The following NLRP5 variants were observed in gnomAD, a reference collection of about 807,000 sequenced individuals.
The protein encoded by NLRP5 is NLR family pyrin domain containing 5.
A neutral mutation model predicts 113.1 loss-of-function variants in NLRP5; 93 were observed. The observed-to-expected ratio is 0.82, with a 90% CI of 0.70 to 0.98. NLRP5 has a LOEUF of 0.98. Ranked by LOEUF, NLRP5 falls within the 50% of genes least tolerant of loss-of-function variation. NLRP5 has a pLI of 0.00. For synonymous variants in NLRP5, 751 were observed against 600.7 expected (o/e 1.25, Z -3.66); for missense variants, 1,808 against 1,514.3 (o/e 1.19, Z -3.22).
rs544075217 is a variant in NLRP5, at chr19:56,040,912, C to T, written c.2787-10C>T. On this transcript the variant is annotated splice_polypyrimidine_tract_variant and intron_variant, in intron 10 of 14. Coordinates refer to ENST00000390649, the MANE Select transcript of NLRP5 (RefSeq NM_153447.4). ...CTCATCATGTCCTCTCTGGGGCTCT[C>T]TTCTTGCAGACTGGAGGACTGTGGC... is the stretch of plus-strand genomic sequence containing the variant. The T allele has an allele frequency of 6.2e-7, 1 of 1,612,676 alleles. No homozygotes were observed. Among genetic ancestry groups the T allele is most frequent in the South Asian group, 1.1e-5 (1 of 90,946 alleles).
At chr19:55,987,876 C>A in the NLRP5 span, 1 of 1,613,956 alleles carries the variant, frequency 6.2e-7, no homozygotes, top group Non-Finnish European at 8.5e-7. Context: ...CCCGACTTCA[C>A]GGGAAAAAGT....
At chr19:56,032,518 C>T (rs1025115649) in intron 7 of NLRP5, 93 bp from the exon 8 acceptor site, 39 of 1,205,604 alleles carry the variant, frequency 3.2e-5, no homozygotes, top group South Asian at 3.1e-5. Context: ...GGTCTCACCT[C>T]GAGAGCTCGG....
chr19:56,045,735 C>T (rs533606), intron 11 of NLRP5, among the ~76,000 whole-genome samples: 23,822 of 151,910 alleles, frequency 0.16, 1,966 homozygotes, highest in Middle Eastern at 0.22. Context: ...AGTCTGGGAC[C>T]GTTTATTGCG....
intron 9 of NLRP5, among the ~76,000 whole-genome samples, chr19:56,034,761 G>GT (rs1409510656): frequency 6.6e-6 from 1 of 152,154 alleles, no homozygotes; most frequent in Non-Finnish European, 1.5e-5. Context: ...TTCTGTTGAT[G>GT]ATGGCCATTC....
At chr19:56,031,132 T>C (rs1345764283) in intron 7 of NLRP5, among the ~76,000 whole-genome samples, 1 of 152,088 alleles carries the variant, frequency 6.6e-6, no homozygotes, top group Non-Finnish European at 1.5e-5. Flanking sequence ...TGATTGCCAG[T>C]GGACGGGAGA....
At chr19:56,056,356 G>A (rs979557328) in intron 13 of NLRP5, among the ~76,000 whole-genome samples, 8 of 152,014 alleles carry the variant, frequency 5.3e-5, no homozygotes, top group South Asian at 2.1e-4. Flanking sequence ...TCAAGAGTTC[G>A]AGACCAGTGT....
chr19:56,030,646 TA>T (rs1169143937), intron 7 of NLRP5, among the ~76,000 whole-genome samples: 1 of 151,006 alleles, frequency 6.6e-6, no homozygotes, highest in African/African-American at 2.4e-5. Flanking sequence ...TTACATATCA[TA>T]AAAAGTCAAA....
upstream of NLRP5, among the ~76,000 whole-genome samples, chr19:55,995,794 AC>A (rs1461890827): frequency 6.6e-6 from 1 of 151,856 alleles, no homozygotes; most frequent in Non-Finnish European, 1.5e-5. Flanking sequence ...GATATTTCTT[AC>A]CTCCTTAGTT....
intron 12 of NLRP5, among the ~76,000 whole-genome samples, chr19:56,052,001 G>A (rs1268744567): frequency 6.6e-6 from 1 of 152,104 alleles, no homozygotes; most frequent in Non-Finnish European, 1.5e-5. Context: ...ACTTCTGCAT[G>A]GTGTAGAATC....
chr19:56,007,900 CGTGCGT>C (rs1452583105), intron 2 of NLRP5, among the ~76,000 whole-genome samples: 2 of 79,424 alleles, frequency 2.5e-5, no homozygotes, highest in African/African-American at 1.2e-4. Flanking sequence ...CGCGTGCGCG[CGTGCGT>C]GTGTGTGTGT....
At chr19:56,058,437 G>T (rs763583276) in intron 14 of NLRP5, 27 bp downstream of exon 14, 2 of 1,583,644 alleles carry the variant, frequency 1.3e-6, no homozygotes, top group African/African-American at 1.3e-5. Context: ...TGTCTTCTGA[G>T]ATACAGACCT....
At chr19:55,988,440 G>GTATATATATATATA in the NLRP5 span, 50 of 100,524 alleles carry the variant, frequency 5.0e-4, 1 homozygote, top group South Asian at 3.1e-3. Flanking sequence ...ATATATGTGT[G>GTATATATATATATA]TGTGTATATA....
At chr19:55,997,234 G>A (rs1227850632), upstream of NLRP5, among the ~76,000 whole-genome samples, 1 of 151,986 alleles carries the variant, frequency 6.6e-6, no homozygotes, top group African/African-American at 2.4e-5. Context: ...TTTTCTGCAT[G>A]TCTTGATGAT....
At chr19:55,995,269 T>G (rs1364996673), upstream of NLRP5, among the ~76,000 whole-genome samples, 2 of 152,046 alleles carry the variant, frequency 1.3e-5, no homozygotes, top group African/African-American at 4.8e-5. Context: ...AACGATGAGT[T>G]CATGGGTGCA....
intron 6 of NLRP5, 100 bp downstream of exon 6, chr19:56,020,531 C>G: frequency 7.4e-7 from 1 of 1,349,300 alleles, no homozygotes; most frequent in South Asian, 1.3e-5. Flanking sequence ...GTTTAGATTG[C>G]CTTTCTTCAA....
At chr19:56,032,583 G>A (rs537807283) in intron 7 of NLRP5, 28 bp from the exon 8 acceptor site, 16 of 1,598,244 alleles carry the variant, frequency 1.0e-5, no homozygotes, top group Admixed American at 8.5e-5. Context: ...CATCCCATGA[G>A]CCCATGTTTC....
intron 2 of NLRP5, among the ~76,000 whole-genome samples, chr19:56,007,189 C>A (rs917800785): frequency 2.6e-5 from 4 of 151,138 alleles, no homozygotes; most frequent in African/African-American, 9.9e-5. Flanking sequence ...ACGGTAAAAC[C>A]CTGTCTCTAC....
At chr19:56,000,362 T>A (rs1408637564) in intron 1 of NLRP5, among the ~76,000 whole-genome samples, 1 of 19,496 alleles carries the variant, frequency 5.1e-5, no homozygotes, top group East Asian at 0.013. Flanking sequence ...TCACCTCATG[T>A]TTTTTTTTGT....
intron 1 of NLRP5, among the ~76,000 whole-genome samples, chr19:56,002,032 C>T (rs1981673909): frequency 6.6e-6 from 1 of 152,158 alleles, no homozygotes; most frequent in Non-Finnish European, 1.5e-5. Context: ...ATAACAACTG[C>T]TACATTTCAA....
Sources: gnomAD v4.1 joint callset for allele counts (sites outside exome capture counted in the v4.1 genomes callset) on GRCh38, gnomAD v4.1.1 for gene constraint, MANE v1.5 for transcripts, NCBI Gene and HGNC (gene_info 2026-07-23, HGNC 2026-07-21) for gene names.